SV2C: variants seen among roughly 807,000 people sequenced by gnomAD.
SV2C encodes the protein synaptic vesicle glycoprotein 2C.
A neutral mutation model predicts 79.7 loss-of-function variants in SV2C; 49 were observed. That is an observed-to-expected ratio of 0.61 (90% CI 0.49 to 0.78). The LOEUF is 0.78. SV2C is among the 30% of genes least tolerant of loss of function. SV2C has a pLI of 0.00. For synonymous variants in SV2C, 334 were observed against 333.2 expected (o/e 1.00, Z -0.03); for missense variants, 833 against 912.9 (o/e 0.91, Z 1.13).
intron 2 of SV2C, among the ~76,000 whole-genome samples, chr5:76,166,047 C>T (rs181619505): frequency 1.6e-4 from 24 of 152,296 alleles, no homozygotes; most frequent in African/African-American, 5.5e-4. Flanking sequence ...GTGTTCCCTC[C>T]GCCTGTCCCT....
At chr5:75,872,063 A>G in the SV2C span, among the ~76,000 whole-genome samples, 3 of 147,090 alleles carry the variant, frequency 2.0e-5, no homozygotes, top group Admixed American at 2.1e-4. Context: ...ATTTATATAT[A>G]CATATATATG....
At chr5:76,285,002 A>G (rs540422384) in intron 4 of SV2C, among the ~76,000 whole-genome samples, 160 bp from the exon 5 acceptor site, 1 of 152,312 alleles carries the variant, frequency 6.6e-6, no homozygotes, top group East Asian at 1.9e-4. Context: ...TATGGGTCTT[A>G]AAGCTGAGCT....
At chr5:76,174,016 C>T in intron 2 of SV2C, 2 of 1,565,814 alleles carry the variant, frequency 1.3e-6, no homozygotes, top group Non-Finnish European at 1.8e-6. Flanking sequence ...CTGCAGTATC[C>T]AAGATTTCAA....
chr5:76,215,358 A>T (rs1427751121), intron 4 of SV2C, among the ~76,000 whole-genome samples: 1 of 152,126 alleles, frequency 6.6e-6, no homozygotes, highest in Admixed American at 6.6e-5. Flanking sequence ...AGTGAGCCTG[A>T]TCTGTTCAGT....
intron 3 of SV2C, among the ~76,000 whole-genome samples, chr5:76,201,510 CTG>C (rs1744440556): frequency 1.3e-5 from 2 of 152,188 alleles, no homozygotes; most frequent in African/African-American, 4.8e-5. Context: ...ATTTCTTCCT[CTG>C]TGAATAGAGC....
chr5:76,143,046 G>A (rs1237905060), intron 2 of SV2C, among the ~76,000 whole-genome samples: 4 of 151,878 alleles, frequency 2.6e-5, no homozygotes, highest in African/African-American at 9.7e-5. Flanking sequence ...ACAGGCACCT[G>A]CCACCACACC....
chr5:76,111,559 C>T (rs1748098236), intron 1 of SV2C, among the ~76,000 whole-genome samples: 1 of 152,118 alleles, frequency 6.6e-6, no homozygotes, highest in Admixed American at 6.5e-5. Flanking sequence ...GATTCCATTG[C>T]TGCCGATGGA....
chr5:75,934,317 T>TTTTTTTTTTTC, the SV2C span, among the ~76,000 whole-genome samples: 1 of 148,040 alleles, frequency 6.8e-6, no homozygotes, highest in East Asian at 1.9e-4. Flanking sequence ...TTTTTTTTTT[T>TTTTTTTTTTTC]TTCACTGTCG....
At chr5:76,336,467 C>T (rs1004798272), downstream of SV2C, among the ~76,000 whole-genome samples, 1 of 152,048 alleles carries the variant, frequency 6.6e-6, no homozygotes, top group Non-Finnish European at 1.5e-5. Flanking sequence ...CAGGCAGAGA[C>T]GCTCCCCACT....
At chr5:76,205,951 C>G (rs1294978758) in intron 3 of SV2C, among the ~76,000 whole-genome samples, 9 of 152,058 alleles carry the variant, frequency 5.9e-5, no homozygotes, top group Admixed American at 5.9e-4. Context: ...CTTCAGGGAG[C>G]AAAGAGGAGC....
chr5:76,083,519 G>C lies in SV2C; in HGVS notation c.-102+7G>C, dbSNP rs1005166697. ...GTGTCCGACGGCTGGAGCGGTGAGT[G>C]GGGGAGGTGAAGCGGGCATCCGCGG... On this transcript the variant is annotated splice_region_variant and intron_variant, in intron 1 of 12. Transcript: ENST00000502798. 6.6e-6 allele frequency: 1 copy of C among 152,372 alleles called. No homozygotes were observed. The highest frequency in any genetic ancestry group is 6.5e-5 in the Admixed American group (1 of 15,292). 9.4% of individuals were successfully genotyped at this position (152,372 alleles called of 1,614,324 possible). A position where few individuals can be genotyped will look rare whatever the true frequency, so the allele number is the denominator to read the frequency against.
chr5:75,852,245 A>G, the SV2C span, among the ~76,000 whole-genome samples: 1 of 152,138 alleles, frequency 6.6e-6, no homozygotes, highest in Non-Finnish European at 1.5e-5. Context: ...GCAAACCACT[A>G]TGGCACGTGT....
the SV2C span, among the ~76,000 whole-genome samples, chr5:75,976,434 G>A: frequency 2.4e-3 from 361 of 152,108 alleles, 2 homozygotes; most frequent in African/African-American, 8.3e-3. Flanking sequence ...TTCATCGACT[G>A]TTAATTCATA....
At chr5:76,182,286 C>T (rs1270377606) in intron 2 of SV2C, among the ~76,000 whole-genome samples, 2 of 152,102 alleles carry the variant, frequency 1.3e-5, no homozygotes, top group East Asian at 3.8e-4. Context: ...CTACCCGCCT[C>T]TTGTATTTCT....
chr5:76,037,501 G>T, the SV2C span, among the ~76,000 whole-genome samples: 7 of 152,140 alleles, frequency 4.6e-5, no homozygotes, highest in East Asian at 7.8e-4. Flanking sequence ...TGGAGTACCC[G>T]GCCGTGTGAG....
the SV2C span, among the ~76,000 whole-genome samples, chr5:75,993,963 C>A: frequency 1.3e-5 from 2 of 152,006 alleles, no homozygotes; most frequent in Non-Finnish European, 2.9e-5. Flanking sequence ...AAGGGAGAAA[C>A]AAGAGAACAA....
intron 2 of SV2C, among the ~76,000 whole-genome samples, chr5:76,167,288 G>A (rs1356366042): frequency 2.0e-5 from 3 of 152,190 alleles, no homozygotes; most frequent in Non-Finnish European, 2.9e-5. Context: ...TTAAGCTTTA[G>A]TTTTCTCATC....
At chr5:76,259,237 A>G (rs188732527) in intron 4 of SV2C, among the ~76,000 whole-genome samples, 3 of 152,118 alleles carry the variant, frequency 2.0e-5, no homozygotes, top group South Asian at 2.1e-4. Flanking sequence ...CATAGAGTTG[A>G]TGTATGTTTA....
chr5:76,183,029 C>T (rs1212694590), intron 2 of SV2C, among the ~76,000 whole-genome samples: 5 of 47,596 alleles, frequency 1.1e-4, no homozygotes, highest in African/African-American at 1.6e-4. Flanking sequence ...GAGAACCTAC[C>T]ATTTTTTTTT....
Sources: allele counts gnomAD v4.1 joint callset (sites outside exome capture counted in the v4.1 genomes callset), GRCh38; gene constraint gnomAD v4.1.1; transcripts MANE v1.5; gene names NCBI Gene and HGNC (gene_info 2026-07-23, HGNC 2026-07-21).